Variants in HS3ST4 observed in about 807,000 individuals in gnomAD.
HS3ST4 encodes the protein heparan sulfate-glucosamine 3-sulfotransferase 4.
A neutral mutation model predicts 29.2 loss-of-function variants in HS3ST4; 17 were observed. The observed-to-expected ratio is 0.58, with a 90% CI of 0.40 to 0.87. The LOEUF is 0.87. HS3ST4 is among the 40% of genes least tolerant of loss of function. The pLI is 0.00. For synonymous variants in HS3ST4, 314 were observed against 285.7 expected (o/e 1.10, Z -1.00); for missense variants, 627 against 634.5 (o/e 0.99, Z 0.13).
intron 1 of HS3ST4, among the ~76,000 whole-genome samples, chr16:25,967,920 G>A (rs1263084717): frequency 6.6e-6 from 1 of 152,194 alleles, no homozygotes; most frequent in Non-Finnish European, 1.5e-5. Context: ...GCTCTAATCT[G>A]CCTGTGACTA....
At chr16:25,956,444 C>T (rs892606285) in intron 1 of HS3ST4, among the ~76,000 whole-genome samples, 1 of 152,168 alleles carries the variant, frequency 6.6e-6, no homozygotes, top group Non-Finnish European at 1.5e-5. Flanking sequence ...CAACCTAATA[C>T]TCAAAGTCCT....
intron 1 of HS3ST4, chr16:25,933,237 T>C (rs559158201): frequency 2.4e-6 from 1 of 412,510 alleles, no homozygotes; most frequent in South Asian, 1.8e-5. Flanking sequence ...GAGGAAGACT[T>C]CTCATATGGC....
At chr16:26,114,847 C>G (rs1172943586) in intron 1 of HS3ST4, among the ~76,000 whole-genome samples, 1 of 152,054 alleles carries the variant, frequency 6.6e-6, no homozygotes, top group East Asian at 1.9e-4. Flanking sequence ...TACACACACC[C>G]CATGACCCAG....
chr16:26,064,386 G>A (rs1258026873), intron 1 of HS3ST4, among the ~76,000 whole-genome samples: 1 of 152,196 alleles, frequency 6.6e-6, no homozygotes, highest in African/African-American at 2.4e-5. Flanking sequence ...TAGGTGTCGG[G>A]TAGACCATGA....
At chr16:25,886,349 A>C (rs764164275) in intron 1 of HS3ST4, among the ~76,000 whole-genome samples, 4 of 152,202 alleles carry the variant, frequency 2.6e-5, no homozygotes, top group African/African-American at 9.6e-5. Context: ...GTGTATTTTA[A>C]TATCACCTAC....
intron 1 of HS3ST4, among the ~76,000 whole-genome samples, chr16:25,950,316 T>C (rs1358406193): frequency 6.6e-6 from 1 of 152,100 alleles, no homozygotes; most frequent in African/African-American, 2.4e-5. Flanking sequence ...ATCACTCCAA[T>C]GTAAACTGTA....
chr16:25,973,547 G>A (rs2141707595), intron 1 of HS3ST4, among the ~76,000 whole-genome samples: 1 of 152,268 alleles, frequency 6.6e-6, no homozygotes, highest in South Asian at 2.1e-4. Context: ...CTTTGCCACT[G>A]GAAAATAATC....
intron 1 of HS3ST4, among the ~76,000 whole-genome samples, chr16:25,761,805 C>T (rs552032038): frequency 3.9e-5 from 6 of 152,082 alleles, no homozygotes; most frequent in Non-Finnish European, 7.4e-5. Flanking sequence ...GGGGTTGCCA[C>T]GTGCCAGCTA....
chr16:25,828,294 T>TCTC (rs1967251613), intron 1 of HS3ST4, among the ~76,000 whole-genome samples: 1 of 45,058 alleles, frequency 2.2e-5, no homozygotes, highest in Non-Finnish European at 4.3e-5. Context: ...CTTTCTTTCT[T>TCTC]TCTTTCCCTC....
rs73524002 is a variant in HS3ST4, at chr16:26,120,378, A to G, written c.735-15234A>G. 1.9e-3 allele frequency among the ~76,000 whole-genome samples: 286 copies of G among 152,322 alleles called. 2 individuals are homozygous for G. Among genetic ancestry groups the G allele is most frequent in the African/African-American group, 6.6e-3 (276 of 41,572 alleles). ...TTATATTTTACATCATTAAAGCTGA[A>G]GCTCTTGATTTGGGGATGCAAGTGT... On this transcript the variant is annotated intron_variant, in intron 1 of 1. Coordinates refer to ENST00000331351, the MANE Select transcript of HS3ST4 (RefSeq NM_006040.3).
chr16:25,868,526 A>AT lies in HS3ST4; in HGVS notation c.734+175376dup, dbSNP rs540274998. On this transcript the variant is annotated intron_variant, in intron 1 of 1. Transcript: ENST00000331351. The stretch of plus-strand genomic sequence containing the variant: ...CAGGGTCATCTTAAAAGAAAAAGAA[A>AT]TGCAACCACTGTTTAAATTGGAGAA... 7.1e-4 allele frequency among the ~76,000 whole-genome samples: 108 copies of AT among 152,260 alleles called. 4 individuals carry two copies. In the South Asian group the frequency reaches 0.022, roughly 31 times the overall value.
At chr16:25,984,585 C>T (rs146634775) in intron 1 of HS3ST4, among the ~76,000 whole-genome samples, 2 of 152,276 alleles carry the variant, frequency 1.3e-5, no homozygotes, top group Admixed American at 1.3e-4. Context: ...CCCTTCCATC[C>T]TCTAATATCC....
chr16:25,768,544 T>C (rs1220173551), intron 1 of HS3ST4, among the ~76,000 whole-genome samples: 1 of 152,130 alleles, frequency 6.6e-6, no homozygotes. Context: ...GGGATGTAGA[T>C]TGGACATTTT....
intron 1 of HS3ST4, among the ~76,000 whole-genome samples, chr16:25,873,532 A>G (rs1431639635): frequency 7.7e-6 from 1 of 130,632 alleles, no homozygotes; most frequent in African/African-American, 2.9e-5. Context: ...CTGTCTATCT[A>G]TCTATCTTTC....
chr16:25,822,201 G>T (rs114642637), intron 1 of HS3ST4, among the ~76,000 whole-genome samples: 1 of 152,124 alleles, frequency 6.6e-6, no homozygotes, highest in Admixed American at 6.5e-5. Context: ...ATTTCTCACC[G>T]TTCTGGAGGC....
chr16:26,002,757 GAA>G (rs904114475), intron 1 of HS3ST4, among the ~76,000 whole-genome samples: 6 of 147,324 alleles, frequency 4.1e-5, no homozygotes, highest in African/African-American at 1.5e-4. Flanking sequence ...GAGAAAGAAA[GAA>G]AGAGAGAGAA....
chr16:25,693,172 G>A (rs1966269831), intron 1 of HS3ST4, 21 bp downstream of exon 1: 14 of 1,543,500 alleles, frequency 9.1e-6, no homozygotes, highest in Non-Finnish European at 1.2e-5. Flanking sequence ...GGGCTCCGCG[G>A]GCTGGTGGAG....
At chr16:25,793,496 C>A in intron 1 of HS3ST4, among the ~76,000 whole-genome samples, 1 of 151,904 alleles carries the variant, frequency 6.6e-6, no homozygotes, top group Non-Finnish European at 1.5e-5. Flanking sequence ...ATGCTTGTAT[C>A]TTCCAGAAGG....
intron 1 of HS3ST4, among the ~76,000 whole-genome samples, chr16:25,838,934 T>A (rs149182754): frequency 3.1e-4 from 47 of 152,258 alleles, no homozygotes; most frequent in African/African-American, 1.1e-3. Flanking sequence ...ATAAATAAAA[T>A]GAAATCAAAT....
Sources: allele counts gnomAD v4.1 joint callset (sites outside exome capture counted in the v4.1 genomes callset), GRCh38; gene constraint gnomAD v4.1.1; transcripts MANE v1.5; gene names NCBI Gene and HGNC (gene_info 2026-07-23, HGNC 2026-07-21).